The following KCNIP4 variants were observed in gnomAD, a reference collection of about 807,000 sequenced individuals.
KCNIP4 encodes potassium voltage-gated channel interacting protein 4, also known as Kv channel-interacting protein 4.
A neutral mutation model predicts 34.0 loss-of-function variants in KCNIP4; 12 were observed. The observed-to-expected ratio is 0.35, with a 90% CI of 0.23 to 0.57. The LOEUF (loss-of-function observed/expected upper bound fraction) is 0.57, where lower values mean the gene tolerates loss of function less well. KCNIP4 is among the 20% of genes least tolerant of loss of function. KCNIP4 has a pLI of 0.83. For missense variants in KCNIP4, 238 were observed against 311.7 expected, an observed-to-expected ratio of 0.76 and a Z score of 1.78; for synonymous variants, 124 against 102.2, an observed-to-expected ratio of 1.21 and a Z score of -1.29.
chr4:21,519,928 T>A (rs1735380681), intron 1 of KCNIP4, among the ~76,000 whole-genome samples: 1 of 150,634 alleles, frequency 6.6e-6, no homozygotes, highest in South Asian at 2.1e-4. Flanking sequence ...AAGTATTAGC[T>A]GATCACAAGG....
chr4:20,853,159 G>C (rs1721209139), intron 2 of KCNIP4, among the ~76,000 whole-genome samples: 1 of 152,064 alleles, frequency 6.6e-6, no homozygotes, highest in Admixed American at 6.6e-5. Context: ...AACCAAAAAA[G>C]AGCCCGCATG....
At chr4:21,546,046 T>C (rs372079666) in intron 1 of KCNIP4, among the ~76,000 whole-genome samples, 2 of 152,274 alleles carry the variant, frequency 1.3e-5, no homozygotes, top group East Asian at 3.9e-4. Flanking sequence ...AATTCTTTCT[T>C]ATGCGAGACC....
chr4:21,554,631 G>A (rs972206730), intron 1 of KCNIP4, among the ~76,000 whole-genome samples: 1 of 151,894 alleles, frequency 6.6e-6, no homozygotes, highest in African/African-American at 2.4e-5. Flanking sequence ...AATTCCTTCT[G>A]CCTGCATGCC....
intron 3 of KCNIP4, among the ~76,000 whole-genome samples, chr4:20,774,136 GC>G (rs1340371455): frequency 5.9e-5 from 9 of 152,134 alleles, no homozygotes; most frequent in Admixed American, 5.9e-4. Context: ...CTAGCGTCGT[GC>G]CTGGATGTAT....
At chr4:21,499,592 A>G (rs1733141826) in intron 1 of KCNIP4, among the ~76,000 whole-genome samples, 1 of 152,126 alleles carries the variant, frequency 6.6e-6, no homozygotes, top group South Asian at 2.1e-4. Context: ...TCATAATTAT[A>G]TCTATTTGGA....
At chr4:21,718,037 C>T (rs1470670551) in intron 1 of KCNIP4, among the ~76,000 whole-genome samples, 1 of 151,988 alleles carries the variant, frequency 6.6e-6, no homozygotes, top group African/African-American at 2.4e-5. Context: ...AACAAAGGGG[C>T]AAAAATAAAA....
chr4:21,290,055 A>G (rs1763345591), intron 1 of KCNIP4, among the ~76,000 whole-genome samples: 1 of 152,208 alleles, frequency 6.6e-6, no homozygotes, highest in Non-Finnish European at 1.5e-5. Flanking sequence ...ACTCCTAGGC[A>G]AAACATCAAA....
intron 1 of KCNIP4, among the ~76,000 whole-genome samples, chr4:21,365,628 C>T (rs1719696200): frequency 6.6e-6 from 1 of 152,082 alleles, no homozygotes; most frequent in Admixed American, 6.6e-5. Context: ...TTATTTGAAG[C>T]CATCTGCAGT....
chr4:21,508,719 G>T (rs940407633), intron 1 of KCNIP4, among the ~76,000 whole-genome samples: 4 of 152,056 alleles, frequency 2.6e-5, no homozygotes, highest in African/African-American at 9.7e-5. Context: ...ACTTCTTCCT[G>T]CCTTGAACAT....
In KCNIP4 at chr4:21,154,956, T is replaced by G. The variant is rs185478785; in HGVS notation, c.62-272247A>C. On this transcript the variant is annotated intron_variant, in intron 1 of 8. Coordinates refer to ENST00000382152, the MANE Select transcript of KCNIP4 (RefSeq NM_025221.6). ...AACCGACAAAATAAATATTTTAGGCTTTATAGCCCACACTTGCTCTCTTTC... is the reference window on the plus strand; with the variant it reads ...AACCGACAAAATAAATATTTTAGGCGTTATAGCCCACACTTGCTCTCTTTC... 5.2e-3 allele frequency among the ~76,000 whole-genome samples: 790 copies of G among 152,348 alleles called. 4 individuals carry two copies. The highest frequency in any genetic ancestry group is 7.1e-3 in the Non-Finnish European group (486 of 68,034).
At chr4:21,455,734 C>T (rs1728871065) in intron 1 of KCNIP4, among the ~76,000 whole-genome samples, 2 of 145,522 alleles carry the variant, frequency 1.4e-5, no homozygotes, top group Admixed American at 1.4e-4. Flanking sequence ...CTCTCCCTCC[C>T]TTTCTTTCTC....
intron 1 of KCNIP4, among the ~76,000 whole-genome samples, chr4:21,540,675 GT>G (rs1427089683): frequency 6.6e-6 from 1 of 152,108 alleles, no homozygotes; most frequent in Non-Finnish European, 1.5e-5. Context: ...AGAAAAACTA[GT>G]TTAATCTTGT....
intron 1 of KCNIP4, among the ~76,000 whole-genome samples, chr4:21,020,812 A>G (rs1739964051): frequency 6.6e-6 from 1 of 152,204 alleles, no homozygotes; most frequent in Non-Finnish European, 1.5e-5. Context: ...TGAATAAAAT[A>G]ACTTGTATGG....
At position 21,089,354 on chromosome 4, in the gene KCNIP4, C is replaced by A. The variant is rs187276567; in HGVS notation, c.62-206645G>T. On this transcript the variant is annotated intron_variant, in intron 1 of 8. Transcript: ENST00000382152. ...TCTGCTTCTCTTGCACCTTCCACCA[C>A]GATTGTAAATTTCCTGAGGCCTCCA... Among the ~76,000 whole-genome samples, 6 of 152,264 alleles carry A rather than the reference C, an allele frequency of 3.9e-5. No homozygotes were observed. The East Asian group carries it at 1.2e-3, about 29-fold the overall frequency.
intron 1 of KCNIP4, among the ~76,000 whole-genome samples, chr4:21,330,439 T>A (rs73249551): frequency 1.3e-5 from 2 of 152,300 alleles, no homozygotes; most frequent in Non-Finnish European, 2.9e-5. Context: ...CATTTATAGT[T>A]ACAGAATTCT....
At chr4:21,548,178 C>T (rs947055062) in intron 1 of KCNIP4, among the ~76,000 whole-genome samples, 15 of 152,050 alleles carry the variant, frequency 9.9e-5, no homozygotes, top group African/African-American at 3.4e-4. Flanking sequence ...TTTAAAAACA[C>T]CAGCAATCAA....
intron 1 of KCNIP4, among the ~76,000 whole-genome samples, chr4:21,777,715 A>C (rs900181339): frequency 6.6e-6 from 1 of 152,244 alleles, no homozygotes; most frequent in African/African-American, 2.4e-5. Flanking sequence ...AAATAAATAT[A>C]TACTCAGCAA....
chr4:20,878,740 G>A (rs1724349116), intron 2 of KCNIP4, among the ~76,000 whole-genome samples: 2 of 152,126 alleles, frequency 1.3e-5, no homozygotes, highest in South Asian at 2.1e-4. Flanking sequence ...CAGGCATTTT[G>A]TTTAGTATGA....
chr4:21,871,473 T>A (rs967921939), intron 1 of KCNIP4, among the ~76,000 whole-genome samples: 27 of 151,430 alleles, frequency 1.8e-4, no homozygotes, highest in Non-Finnish European at 5.9e-5. Flanking sequence ...TATAAAAGGA[T>A]GAGTTAATGT....
Sources: gnomAD v4.1 joint callset for allele counts (sites outside exome capture counted in the v4.1 genomes callset) on GRCh38, gnomAD v4.1.1 for gene constraint, MANE v1.5 for transcripts, NCBI Gene and HGNC (gene_info 2026-07-23, HGNC 2026-07-21) for gene names.